Variants in GAK observed in about 807,000 individuals in gnomAD.
GAK encodes cyclin-G-associated kinase.
GAK carries 79 observed loss-of-function variants against 143.9 expected under a neutral mutation model. That is an observed-to-expected ratio of 0.55 (90% CI 0.46 to 0.66). The LOEUF (loss-of-function observed/expected upper bound fraction) is 0.66, where lower values mean the gene tolerates loss of function less well. Among genes scored for constraint, GAK ranks in the 30% least tolerant of loss-of-function variants. GAK has a pLI of 0.00. For synonymous variants in GAK, 881 were observed against 765.5 expected, an observed-to-expected ratio of 1.15 and a Z score of -2.49; for missense variants, 1,693 against 1,779.7, an observed-to-expected ratio of 0.95 and a Z score of 0.88.
chr4:892,588 A>G (rs1717890066), intron 9 of GAK, among the ~76,000 whole-genome samples: 1 of 152,164 alleles, frequency 6.6e-6, no homozygotes, highest in Admixed American at 6.5e-5. Flanking sequence ...CCCAGCCCCC[A>G]GGCCCTGATG....
At chr4:870,602 G>A in intron 19 of GAK, 109 bp downstream of exon 19, 2 of 1,124,736 alleles carry the variant, frequency 1.8e-6, no homozygotes, top group South Asian at 1.4e-5. Context: ...GGGCCTGGGT[G>A]CAGCAGCAGG....
At chr4:891,541 G>T (rs549331520) in intron 9 of GAK, among the ~76,000 whole-genome samples, 1 of 152,202 alleles carries the variant, frequency 6.6e-6, no homozygotes, top group South Asian at 2.1e-4. Flanking sequence ...GCTTAAGCAG[G>T]GGTCTAACGT....
chr4:930,605 G>T (rs1001534480), intron 1 of GAK, among the ~76,000 whole-genome samples: 4 of 151,456 alleles, frequency 2.6e-5, no homozygotes, highest in African/African-American at 9.7e-5. Flanking sequence ...GCACAAGTCT[G>T]AAGTTCCAGA....
chr4:874,460 A>G lies in GAK; in HGVS notation c.2054+2070T>C, dbSNP rs564392313. Among the ~76,000 whole-genome samples the G allele has an allele frequency of 3.3e-5, 5 of 152,290 alleles. No homozygotes were observed. The East Asian group carries it at 9.7e-4, about 29-fold the overall frequency. ...CTGAAGACATCCTTAACTGGCTTTCATATTTCAAGGATAATTTCACTGGAT... is the reference window on the plus strand; with the variant it reads ...CTGAAGACATCCTTAACTGGCTTTCGTATTTCAAGGATAATTTCACTGGAT... On this transcript the variant is annotated intron_variant, in intron 18 of 27. Coordinates refer to ENST00000314167, the MANE Select transcript of GAK (RefSeq NM_005255.4).
At chr4:896,364 G>A (rs1266469633) in intron 7 of GAK, 96 bp downstream of exon 7, 11 of 898,966 alleles carry the variant, frequency 1.2e-5, no homozygotes, top group East Asian at 2.5e-5. Context: ...GGAGGAGGCA[G>A]GCCAGTTCCG....
At chr4:892,475 G>A (rs960069717) in intron 9 of GAK, among the ~76,000 whole-genome samples, 5 of 152,200 alleles carry the variant, frequency 3.3e-5, no homozygotes, top group Non-Finnish European at 7.4e-5. Context: ...GTCCACGGCT[G>A]GGTCAGAAAA....
chr4:865,933 C>T (rs999469230), intron 22 of GAK, among the ~76,000 whole-genome samples: 3 of 152,248 alleles, frequency 2.0e-5, no homozygotes, highest in African/African-American at 7.2e-5. Context: ...CCCATGGATA[C>T]GGTGCCCCAC....
chr4:922,514 CAA>C lies in GAK; in HGVS notation c.146-8848_146-8847del, dbSNP rs35567795. 4.8e-5 allele frequency among the ~76,000 whole-genome samples: 3 copies of C among 62,932 alleles called. No individual in the cohort carries two copies. The South Asian group carries it at 1.7e-3, about 36-fold the overall frequency. The allele number at this position is 62,932 out of a possible 152,430, so 41.3% of individuals were successfully genotyped here. A position where few individuals can be genotyped will look rare whatever the true frequency, so the allele number is the denominator to read the frequency against. On this transcript the variant is annotated intron_variant, in intron 1 of 27. Transcript: ENST00000314167. ...TGGGTGACAGAGCGAGACTCCATCT[CAA>C]AAAAAAAAAAAAAAAAAAGGCAGCA...
intron 1 of GAK, among the ~76,000 whole-genome samples, chr4:923,238 G>T (rs534851170): frequency 6.6e-6 from 1 of 152,102 alleles, no homozygotes; most frequent in Non-Finnish European, 1.5e-5. Flanking sequence ...TCACAGCCGC[G>T]TGGGAACCTA....
intron 22 of GAK, among the ~76,000 whole-genome samples, chr4:865,734 C>T (rs1296676218): frequency 6.6e-6 from 1 of 152,248 alleles, no homozygotes; most frequent in Non-Finnish European, 1.5e-5. Context: ...CGCCCACAAG[C>T]CATCCTGCAA....
At chr4:912,503 T>G in intron 3 of GAK, 1 of 477,332 alleles carries the variant, frequency 2.1e-6, no homozygotes, top group Non-Finnish European at 3.8e-6. Context: ...ACAACTTCAT[T>G]CCCAACACTT....
At chr4:876,644 G>A in intron 17 of GAK, 35 bp from the exon 18 acceptor site, 1 of 1,589,116 alleles carries the variant, frequency 6.3e-7, no homozygotes, top group Non-Finnish European at 8.6e-7. Flanking sequence ...CCCACGTGGA[G>A]GGTGAATCCA....
intron 27 of GAK, 47 bp from the exon 28 acceptor site, chr4:849,821 C>CGGGGGGGGGGGGGGGG: frequency 7.0e-7 from 1 of 1,435,336 alleles, no homozygotes; most frequent in Non-Finnish European, 9.5e-7. Context: ...CATGCGGGGG[C>CGGGGGGGGGGGGGGGG]GGGCGGGGCA....
Position 898,123 on chromosome 4 carries a change from A to C in GAK, c.561T>G (p.Ile187Met). The C allele has an allele frequency of 6.2e-7, 1 of 1,614,198 alleles. No homozygotes were observed. The highest frequency in any genetic ancestry group is 8.5e-7 in the Non-Finnish European group (1 of 1,180,002). The change falls in exon 6 of 28, where the codon ATT (isoleucine) becomes ATG (methionine). Residue 187 changes from isoleucine to methionine, a missense_variant. By Grantham distance (10) the Ile-to-Met change is conservative. Coordinates refer to ENST00000314167, the MANE Select transcript of GAK (RefSeq NM_005255.4). ...ENLLLSNQGT[I>M]KLCDFGSATT... is the part of the protein sequence containing the mutation. The stretch of plus-strand genomic sequence containing the variant: ...TGGCACTGCCAAAGTCACACAGCTT[A>C]ATGGTCCCTTGGTTACTAAGCAACA...
intron 5 of GAK, among the ~76,000 whole-genome samples, chr4:902,608 A>AACAAAACAAAAC (rs1553889084): frequency 2.0e-5 from 3 of 150,424 alleles, no homozygotes; most frequent in Non-Finnish European, 4.4e-5. Flanking sequence ...AAAAAAAAAA[A>AACAAAACAAAAC]AAAAAACCCC....
intron 3 of GAK, 156 bp from the exon 4 acceptor site, chr4:911,943 A>G: frequency 1.7e-6 from 1 of 586,920 alleles, no homozygotes; most frequent in Non-Finnish European, 3.1e-6. Context: ...GGGAGAGAGC[A>G]GTGGACGACC....
At chr4:926,407 G>A (rs1195293134) in intron 1 of GAK, among the ~76,000 whole-genome samples, 1 of 152,142 alleles carries the variant, frequency 6.6e-6, no homozygotes, top group Non-Finnish European at 1.5e-5. Flanking sequence ...CCAGGACAGG[G>A]GCCCTAAGGA....
In GAK at chr4:883,421, T is replaced by C. The variant is rs1715575370; in HGVS notation, c.1298A>G (p.Asn433Ser). Residue 433 changes from asparagine to serine, a missense_variant, in exon 13 of 28, where the codon AAC becomes AGC. Physicochemically the swap from Asn to Ser is conservative, Grantham distance 46. This residue lies in a region of GAK where 871 missense variants were observed against 991.0 expected (regional missense o/e 0.88). Coordinates refer to ENST00000314167, the MANE Select transcript of GAK (RefSeq NM_005255.4). Reference protein sequence around the residue: ...PAEGVESALKNNIEDVRLFLD... With the variant: ...PAEGVESALKSNIEDVRLFLD... The stretch of plus-strand genomic sequence containing the variant: ...GAACAACCGCACATCTTCGATGTTG[T>C]TTTTGAGCGCTGACTCCACACCTTC... 1.2e-6 allele frequency: 2 copies of C among 1,613,556 alleles called. No individual in the cohort carries two copies. The highest frequency in any genetic ancestry group is 8.5e-7 in the Non-Finnish European group (1 of 1,179,964).
chr4:929,766 C>A (rs1725380347), intron 1 of GAK, among the ~76,000 whole-genome samples: 1 of 151,894 alleles, frequency 6.6e-6, no homozygotes, highest in Non-Finnish European at 1.5e-5. Context: ...TACCTAAAAA[C>A]CCATTCACAC....
Sources: allele counts gnomAD v4.1 joint callset (sites outside exome capture counted in the v4.1 genomes callset), GRCh38; gene constraint gnomAD v4.1.1; regional missense constraint gnomAD v4.1.1; transcripts MANE v1.5; gene names NCBI Gene and HGNC (gene_info 2026-07-23, HGNC 2026-07-21).